PNPLA7: variants seen among roughly 807,000 people sequenced by gnomAD.
The protein encoded by PNPLA7 is patatin-like phospholipase domain-containing protein 7.
A neutral mutation model predicts 161.7 loss-of-function variants in PNPLA7; 153 were observed. The observed-to-expected ratio is 0.95, with a 90% confidence interval of 0.83 to 1.08. PNPLA7 has a LOEUF of 1.08. Ranked by LOEUF, PNPLA7 falls within the 50% of genes least tolerant of loss-of-function variation. The pLI, the probability that PNPLA7 is intolerant of heterozygous loss-of-function variation, is 0.00. For synonymous variants in PNPLA7, 809 were observed against 782.1 expected, an observed-to-expected ratio of 1.03 and a Z score of -0.57; for missense variants, 1,739 against 1,856.6, an observed-to-expected ratio of 0.94 and a Z score of 1.16.
At position 137,499,257 on chromosome 9, in the gene PNPLA7, C is replaced by T. The variant is rs1833245371; in HGVS notation, c.1758-1012G>A. ...ACAGACACACACAGACACAAGGAGA[C>T]ACACATGGACACATGTAGACACAGA... is the stretch of plus-strand genomic sequence containing the variant. On this transcript the variant is annotated intron_variant, in intron 16 of 34. Transcript: ENST00000406427. This position sits in a 1 kb window ranked among gnomAD's most constrained non-coding sequence, Gnocchi z 5.5. Among the ~76,000 whole-genome samples the T allele has an allele frequency of 1.3e-5, 2 of 151,128 alleles. No individual in the cohort carries two copies. The highest frequency in any genetic ancestry group is 4.2e-4 in the South Asian group (2 of 4,770).
chr9:137,515,406 C>T lies in PNPLA7; in HGVS notation c.1198G>A (p.Gly400Ser), dbSNP rs1422417811. Residue 400 changes from glycine (G) to serine (S), a missense_variant, in exon 12 of 35, where the codon GGT becomes AGT. Coordinates refer to ENST00000406427, the MANE Select transcript of PNPLA7 (RefSeq NM_001098537.3). Reference protein sequence around the residue: ...ILEELEKPGAGDPDPSAPQGG... With the variant: ...ILEELEKPGASDPDPSAPQGG... ...TGTGGGGCCGAAGGGTCAGGGTCAC[C>T]TGCCCCGGGCTTCTCCAGCTCCTCC... is the stretch of plus-strand genomic sequence containing the variant. The T allele has an allele frequency of 2.5e-6, 4 of 1,604,298 alleles. No homozygotes were observed. In the Admixed American group the frequency reaches 6.8e-5, roughly 27 times the overall value.
chr9:137,464,170 A>G lies in PNPLA7; in HGVS notation c.3182T>C (p.Ile1061Thr). 3.1e-6 allele frequency: 5 copies of G among 1,613,688 alleles called. No homozygotes were observed. Among genetic ancestry groups the G allele is most frequent in the Middle Eastern group, 1.7e-4 (1 of 6,060 alleles). The change falls in exon 28 of 35, where the codon ATC becomes ACC. Residue 1061 changes from isoleucine to threonine, a missense_variant. Transcript: ENST00000406427. Reference protein sequence around the residue: ...IEDLWIPYFAITTDITASAMR... With the variant: ...IEDLWIPYFATTTDITASAMR... Reference sequence around the variant, plus strand: ...GGCCGAGGCTGTGATGTCGGTGGTGATGGCGAAATAAGGAATCCACAGGTC... The same window carrying G: ...GGCCGAGGCTGTGATGTCGGTGGTGGTGGCGAAATAAGGAATCCACAGGTC...
intron 14 of PNPLA7, among the ~76,000 whole-genome samples, chr9:137,504,911 G>A (rs757087114): frequency 1.1e-4 from 17 of 152,102 alleles, no homozygotes; most frequent in East Asian, 3.9e-4. Flanking sequence ...TCCATCAGCC[G>A]GGCGCCGTGG....
Position 137,462,726 on chromosome 9 carries a change from G to A in PNPLA7, c.3451C>T (p.Leu1151=), listed in dbSNP as rs1831277125. ...AAGGGGTTCCAGCGTTTCCACAGCA[G>A]CCACCACCCAGACAGCGCATCCCCA... The part of the protein sequence containing the change: ...NYGDALSGWW[L]LWKRWNPLAT... The change falls in exon 30 of 35, where the codon CTG becomes TTG. Residue 1151 remains leucine, a synonymous_variant. Transcript: ENST00000406427. 1 of 1,613,856 alleles carries A rather than the reference G, an allele frequency of 6.2e-7. No individual in the cohort carries two copies. The highest frequency in any genetic ancestry group is 1.3e-5 in the African/African-American group (1 of 74,922).
chr9:137,479,590 A>C, intron 23 of PNPLA7: 1 of 985,460 alleles, frequency 1.0e-6, no homozygotes, highest in South Asian at 4.7e-5. Flanking sequence ...AGGAACATAC[A>C]TCAGAGAGGA....
Position 137,550,152 on chromosome 9 carries a change from CCCCCGAGTTACATA to C in PNPLA7, c.30+2_30+15del, listed in dbSNP as rs767930673. 13 of 1,612,808 alleles carry C rather than the reference CCCCCGAGTTACATA, an allele frequency of 8.1e-6. No homozygotes were observed. Among genetic ancestry groups the C allele is most frequent in the Non-Finnish European group, 1.1e-5 (13 of 1,179,764 alleles). On this transcript the variant is annotated splice_donor_variant and splice_donor_5th_base_variant and intron_variant, in intron 1 of 34. Transcript: ENST00000406427. LOFTEE classifies it high-confidence loss of function. ...CAACTGGGAAATCCAGGCATCTGGT[CCCCCGAGTTACATA>C]CCTGTGGGCTGTCATCTTTCTCTTC...
intron 23 of PNPLA7, chr9:137,479,838 C>G (rs1160017982): frequency 1.0e-6 from 1 of 985,398 alleles, no homozygotes; most frequent in Non-Finnish European, 1.2e-6. Context: ...GCCAGCGTCC[C>G]GAAGGTGCCT....
intron 13 of PNPLA7, 30 bp from the exon 14 acceptor site, chr9:137,505,790 G>C: frequency 6.2e-7 from 1 of 1,611,660 alleles, no homozygotes; most frequent in Non-Finnish European, 8.5e-7. Context: ...CCGGCAATTC[G>C]AAGGGATGTG....
chr9:137,503,898 G>GA (rs1833718808), intron 14 of PNPLA7, among the ~76,000 whole-genome samples: 1 of 113,850 alleles, frequency 8.8e-6, no homozygotes. Context: ...GGAAGAAGAA[G>GA]AAGGAAGAAG....
In PNPLA7 at chr9:137,540,154, C is replaced by A. The variant is rs1305225117; in HGVS notation, c.747+488G>T. On this transcript the variant is annotated intron_variant, in intron 8 of 34. Coordinates refer to ENST00000406427, the MANE Select transcript of PNPLA7 (RefSeq NM_001098537.3). The surrounding 1 kb of genome is among the most constrained non-coding windows in gnomAD (Gnocchi z 5.1). ...CAAGTCCACCCTAGGATTTATCCTG[C>A]AGATCAGGCTCTGGTATCGGAAACG... Among the ~76,000 whole-genome samples, 1 of 152,196 alleles carries A rather than the reference C, an allele frequency of 6.6e-6. No homozygotes were observed. Among genetic ancestry groups the A allele is most frequent in the African/African-American group, 2.4e-5 (1 of 41,434 alleles).
At chr9:137,502,801 C>T (rs1032920137) in intron 14 of PNPLA7, among the ~76,000 whole-genome samples, 8 of 92,026 alleles carry the variant, frequency 8.7e-5, no homozygotes, top group African/African-American at 1.3e-4. Context: ...GGGCACTGAA[C>T]GCACGGCTGA....
chr9:137,502,482 A>G (rs1311728960), intron 14 of PNPLA7, among the ~76,000 whole-genome samples: 1 of 149,282 alleles, frequency 6.7e-6, no homozygotes, highest in Non-Finnish European at 1.5e-5. Flanking sequence ...AACAGGAGGG[A>G]GAAAGAGATG....
In PNPLA7 at chr9:137,479,128, C is replaced by A. The variant is rs781065635; in HGVS notation, c.2691G>T (p.Arg897=). ...PARTVEWLNM[R]SWCSGHLHLC... ...GGTGCAGGTGGCCGGAGCACCAGCT[C>A]CGCATGTTGAGCCACTCCACGGTGC... Residue 897 remains arginine, a synonymous_variant, in exon 24 of 35, where the codon CGG becomes CGT. Transcript: ENST00000406427. The A allele has an allele frequency of 1.9e-6, 3 of 1,596,516 alleles. No individual in the cohort carries two copies. In the Admixed American group the frequency reaches 5.2e-5, roughly 28 times the overall value.
At position 137,505,648 on chromosome 9, in the gene PNPLA7, G is replaced by A. The variant is rs779173218; in HGVS notation, c.1439C>T (p.Ala480Val). Residue 480 changes from alanine to valine, a missense_variant, in exon 14 of 35, where the codon GCC (alanine) becomes GTC (valine). Ala to Val is a moderately conservative substitution (Grantham distance 64, BLOSUM62 0). Around this residue, in one of 6 missense-constraint regions of PNPLA7, gnomAD observed 481 missense variants for 450.0 expected, o/e 1.07. Transcript: ENST00000406427. ...SRKSDAIFRA[A>V]KKDLLTLMKL... ...CATCAGGGTGAGCAGGTCCTTCTTG[G>A]CAGCTCTGAAGATGGCATCCGACTT... The A allele has an allele frequency of 1.2e-6, 2 of 1,614,076 alleles. No individual in the cohort carries two copies. The highest frequency in any genetic ancestry group is 1.7e-6 in the Non-Finnish European group (2 of 1,180,028).
intron 25 of PNPLA7, among the ~76,000 whole-genome samples, chr9:137,469,418 G>A (rs185749105): frequency 5.9e-5 from 9 of 152,306 alleles, no homozygotes; most frequent in African/African-American, 2.2e-4. Context: ...ATGTTCTACA[G>A]ACAGACATCA....
At chr9:137,505,525 C>T (rs1044913367) in intron 14 of PNPLA7, 89 bp downstream of exon 14, 3 of 1,499,390 alleles carry the variant, frequency 2.0e-6, no homozygotes, top group African/African-American at 1.4e-5. Context: ...CACTGTCCTC[C>T]ACACCTGGAA....
At chr9:137,504,520 A>T (rs1483917274) in intron 14 of PNPLA7, among the ~76,000 whole-genome samples, 1 of 152,128 alleles carries the variant, frequency 6.6e-6, no homozygotes, top group Non-Finnish European at 1.5e-5. Context: ...CCAGAAAAGC[A>T]GATTTAAGAG....
rs141665680 is a variant in PNPLA7 at position 137,460,711 on chromosome 9, C to T, written c.3868G>A (p.Glu1290Lys). 1.1e-4 allele frequency: 182 copies of T among 1,612,664 alleles called. 7 individuals carry two copies. The highest frequency in any genetic ancestry group is 9.1e-4 in the East Asian group (41 of 44,896). Residue 1290 changes from glutamate (E) to lysine (K), a missense_variant, in exon 34 of 35, where the codon GAG (glutamate) becomes AAG (lysine). Transcript: ENST00000406427. Reference sequence around the variant, plus strand: ...CTGGGGACGTCCAGCAGCTCCTCCTCGTACTCCGTCTGGTAGTCAGATTCG... The same window carrying T: ...CTGGGGACGTCCAGCAGCTCCTCCTTGTACTCCGTCTGGTAGTCAGATTCG... ...DDESDYQTEY[E>K]EELLDVPRDA...
At chr9:137,501,037 CTGGA>C in intron 15 of PNPLA7, 141 bp from the exon 16 acceptor site, 1 of 683,484 alleles carries the variant, frequency 1.5e-6, no homozygotes, top group Non-Finnish European at 2.4e-6. Context: ...ATGGACTTCA[CTGGA>C]AACATTTCGG....
Sources: gnomAD v4.1 joint callset for allele counts (sites outside exome capture counted in the v4.1 genomes callset) on GRCh38, gnomAD v4.1.1 for gene constraint, gnomAD v4.1.1 regional missense constraint, Gnocchi (gnomAD v3.1) non-coding constraint, MANE v1.5 for transcripts, NCBI Gene and HGNC (gene_info 2026-07-23, HGNC 2026-07-21) for gene names.